PLCB1: variants seen among roughly 807,000 people sequenced by gnomAD.
The protein encoded by PLCB1 is 1-phosphatidylinositol 4,5-bisphosphate phosphodiesterase beta-1.
A neutral mutation model predicts 161.8 loss-of-function variants in PLCB1; 46 were observed. The observed-to-expected ratio is 0.28, with a 90% CI of 0.22 to 0.36. The LOEUF is 0.36. Among genes scored for constraint, PLCB1 ranks in the 10% least tolerant of loss-of-function variants. The probability of loss-of-function intolerance (pLI) is 1.00; values close to 1 mark genes in which losing one functional copy is unlikely to be tolerated. For synonymous variants in PLCB1, 517 were observed against 503.7 expected, an observed-to-expected ratio of 1.03 and a Z score of -0.35; for missense variants, 1,016 against 1,472.5, an observed-to-expected ratio of 0.69 and a Z score of 5.07.
intron 1 of PLCB1, among the ~76,000 whole-genome samples, chr20:8,145,118 A>T (rs1455565779): frequency 1.3e-5 from 2 of 152,116 alleles, no homozygotes; most frequent in East Asian, 3.9e-4. Context: ...TTATTTTCTC[A>T]CAGTTTGGGA....
intron 2 of PLCB1, among the ~76,000 whole-genome samples, chr20:8,212,164 T>C (rs546818747): frequency 1.3e-5 from 2 of 152,226 alleles, no homozygotes; most frequent in African/African-American, 4.8e-5. Context: ...CTATGATTTT[T>C]ATTGCAGTAA....
chr20:8,606,587 C>T (rs543352495), intron 3 of PLCB1, among the ~76,000 whole-genome samples: 15 of 152,282 alleles, frequency 9.9e-5, no homozygotes, highest in Admixed American at 9.2e-4. Flanking sequence ...CTACCCAACT[C>T]AATATGCTAG....
intron 2 of PLCB1, among the ~76,000 whole-genome samples, chr20:8,353,811 A>G (rs1381345358): frequency 6.6e-6 from 1 of 152,136 alleles, no homozygotes; most frequent in Non-Finnish European, 1.5e-5. Flanking sequence ...TTGGCACAGG[A>G]AAAGGACAGT....
At chr20:8,753,099 T>C (rs1259678340) in intron 23 of PLCB1, among the ~76,000 whole-genome samples, 1 of 152,094 alleles carries the variant, frequency 6.6e-6, no homozygotes, top group Admixed American at 6.6e-5. Flanking sequence ...GGGCTCCTTA[T>C]GAAAATCTAA....
At position 8,783,219 on chromosome 20, in the gene PLCB1, T is replaced by C. The variant is rs372417980; in HGVS notation, c.3112-5230T>C. On this transcript the variant is annotated intron_variant, in intron 27 of 31. Coordinates refer to ENST00000338037, the MANE Select transcript of PLCB1 (RefSeq NM_015192.4). Reference sequence around the variant, plus strand: ...GAAAATTAAATGTTGTTTACTACCATTCAGTTTACCACATACCTTCTTAAT... The same window carrying C: ...GAAAATTAAATGTTGTTTACTACCACTCAGTTTACCACATACCTTCTTAAT... 1.2e-4 allele frequency among the ~76,000 whole-genome samples: 19 copies of C among 152,242 alleles called. No individual in the cohort carries two copies. The East Asian group carries it at 1.3e-3, about 11-fold the overall frequency.
chr20:8,406,809 A>G (rs1367116544), intron 3 of PLCB1, among the ~76,000 whole-genome samples: 2 of 152,184 alleles, frequency 1.3e-5, no homozygotes, highest in South Asian at 2.1e-4. Context: ...TGAGGGATCA[A>G]CTTACCTGGG....
At chr20:8,276,986 C>CTTCTTCTTCTTCTTATTATTATTA (rs869194352) in intron 2 of PLCB1, among the ~76,000 whole-genome samples, 1 of 93,348 alleles carries the variant, frequency 1.1e-5, no homozygotes, top group Non-Finnish European at 2.0e-5. Flanking sequence ...TCTTCTTCTT[C>CTTCTTCTTCTTCTTATTATTATTA]TTATTATTAT....
intron 2 of PLCB1, among the ~76,000 whole-genome samples, chr20:8,317,806 GAA>G (rs1055046285): frequency 1.4e-4 from 22 of 151,910 alleles, no homozygotes; most frequent in African/African-American, 5.3e-4. Context: ...TAGAAATAAA[GAA>G]AAGAGTTAGT....
intron 2 of PLCB1, among the ~76,000 whole-genome samples, chr20:8,178,309 C>T (rs1476372994): frequency 6.6e-6 from 1 of 152,056 alleles, no homozygotes; most frequent in African/African-American, 2.4e-5. Context: ...ACATTCCCAC[C>T]AGCAGTGTAT....
At chr20:8,855,027 A>T (rs1987023955) in intron 31 of PLCB1, among the ~76,000 whole-genome samples, 1 of 152,254 alleles carries the variant, frequency 6.6e-6, no homozygotes. Flanking sequence ...ATGTATGCAC[A>T]ATGAATTTAA....
At chr20:8,744,616 T>TAAATAAAATAAAGTAAAATAAAATA (rs1981058150) in intron 23 of PLCB1, among the ~76,000 whole-genome samples, 1 of 121,222 alleles carries the variant, frequency 8.2e-6, no homozygotes, top group African/African-American at 3.2e-5. Flanking sequence ...AAAAATAAAA[T>TAAATAAAATAAAGTAAAATAAAATA]AAATAAAATA....
intron 31 of PLCB1, among the ~76,000 whole-genome samples, chr20:8,836,401 G>C (rs1457086457): frequency 8.0e-6 from 1 of 125,684 alleles, no homozygotes; most frequent in Admixed American, 8.8e-5. Context: ...AATGAGGAGA[G>C]CTGATGGGGT....
At chr20:8,765,107 A>G in intron 25 of PLCB1, 32 bp from the exon 26 acceptor site, 1 of 1,561,358 alleles carries the variant, frequency 6.4e-7, no homozygotes, top group Non-Finnish European at 8.8e-7. Flanking sequence ...CAGCCCTCCC[A>G]TTCCCTTAGC....
chr20:8,531,299 ACT>A (rs1212535197), intron 3 of PLCB1, among the ~76,000 whole-genome samples: 1 of 152,122 alleles, frequency 6.6e-6, no homozygotes, highest in Non-Finnish European at 1.5e-5. Context: ...TACTTGCAGG[ACT>A]TACACAGGTC....
chr20:8,644,884 A>G (rs1311825028), intron 4 of PLCB1, among the ~76,000 whole-genome samples: 1 of 152,206 alleles, frequency 6.6e-6, no homozygotes, highest in Non-Finnish European at 1.5e-5. Context: ...GTGGAATAGA[A>G]AGGGGGGAAA....
intron 3 of PLCB1, among the ~76,000 whole-genome samples, chr20:8,522,021 A>T (rs1159990003): frequency 6.6e-6 from 1 of 152,214 alleles, no homozygotes; most frequent in East Asian, 1.9e-4. Flanking sequence ...CTAAAGCTGG[A>T]AGCTAAAAAT....
intron 2 of PLCB1, among the ~76,000 whole-genome samples, chr20:8,226,155 C>T (rs188227286): frequency 6.6e-6 from 1 of 152,274 alleles, no homozygotes; most frequent in Admixed American, 6.5e-5. Context: ...AGGTCATTCT[C>T]ACACCCCTGT....
In PLCB1 at chr20:8,392,119, G is replaced by A. The variant is rs115291516; in HGVS notation, c.246+20669G>A. Among the ~76,000 whole-genome samples, 918 of 151,994 alleles carry A rather than the reference G, an allele frequency of 6.0e-3. 12 individuals carry two copies. The highest frequency in any genetic ancestry group is 0.021 in the African/African-American group (862 of 41,442). On this transcript the variant is annotated intron_variant, in intron 3 of 31. Coordinates refer to ENST00000338037, the MANE Select transcript of PLCB1 (RefSeq NM_015192.4). The stretch of plus-strand genomic sequence containing the variant: ...ATATTCATGTTGAAACTTAATCGCC[G>A]ATGCAATAGTATTTAAAGTTGTGGC...
chr20:8,143,753 T>A (rs2051426726), intron 1 of PLCB1, among the ~76,000 whole-genome samples: 1 of 151,880 alleles, frequency 6.6e-6, no homozygotes, highest in Non-Finnish European at 1.5e-5. Flanking sequence ...CACAGGAGAG[T>A]GTGGCTCAGA....
Sources: gnomAD v4.1 joint callset for allele counts (sites outside exome capture counted in the v4.1 genomes callset) on GRCh38, gnomAD v4.1.1 for gene constraint, MANE v1.5 for transcripts, NCBI Gene and HGNC (gene_info 2026-07-23, HGNC 2026-07-21) for gene names.